Variants in TRIM66 observed in about 807,000 individuals in gnomAD.
The protein encoded by TRIM66 is tripartite motif containing 66, also known as tripartite motif-containing protein 66.
In TRIM66, 99 loss-of-function variants were observed where a neutral mutation model predicts 148.2. That is an observed-to-expected ratio of 0.67 (90% CI 0.57 to 0.79). The LOEUF is 0.79. Ranked by LOEUF, TRIM66 falls within the 30% of genes least tolerant of loss-of-function variation. TRIM66 has a pLI of 0.00. For synonymous variants in TRIM66, 616 were observed against 635.9 expected, an observed-to-expected ratio of 0.97 and a Z score of 0.47; for missense variants, 1,666 against 1,697.9, an observed-to-expected ratio of 0.98 and a Z score of 0.33.
chr11:8,619,959 G>C, intron 22 of TRIM66, 91 bp downstream of exon 22: 1 of 1,192,442 alleles, frequency 8.4e-7, no homozygotes, highest in Non-Finnish European at 1.2e-6. Flanking sequence ...TGTGACTCTA[G>C]AAAAACAGGG....
At chr11:8,660,229 T>C (rs1234931531) in intron 6 of TRIM66, among the ~76,000 whole-genome samples, 1 of 152,002 alleles carries the variant, frequency 6.6e-6, no homozygotes, top group Non-Finnish European at 1.5e-5. Flanking sequence ...CTGAACAGAA[T>C]CCCCACTTCT....
At chr11:8,630,714 C>T (rs957748080) in intron 15 of TRIM66, among the ~76,000 whole-genome samples, 2 of 152,100 alleles carry the variant, frequency 1.3e-5, no homozygotes, top group Non-Finnish European at 2.9e-5. Flanking sequence ...TCCCTTTCCT[C>T]TTGCCTCTTT....
chr11:8,639,877 A>G (rs2036211543), intron 14 of TRIM66, among the ~76,000 whole-genome samples: 1 of 152,198 alleles, frequency 6.6e-6, no homozygotes, highest in Admixed American at 6.5e-5. Flanking sequence ...AGATGACAAG[A>G]TAAGAGACAG....
intron 3 of TRIM66, among the ~76,000 whole-genome samples, chr11:8,677,545 G>A (rs2039232928): frequency 6.6e-6 from 1 of 152,098 alleles, no homozygotes; most frequent in Non-Finnish European, 1.5e-5. Context: ...TTGGGAGGGC[G>A]AGGTAGGAGG....
At chr11:8,667,978 G>C (rs1342384037) in intron 6 of TRIM66, among the ~76,000 whole-genome samples, 1 of 152,278 alleles carries the variant, frequency 6.6e-6, no homozygotes, top group East Asian at 1.9e-4. Flanking sequence ...AATTTTCTGA[G>C]GAACTGCCAT....
chr11:8,662,424 C>T (rs556048878), intron 6 of TRIM66, among the ~76,000 whole-genome samples: 5 of 152,316 alleles, frequency 3.3e-5, no homozygotes, highest in South Asian at 2.1e-4. Flanking sequence ...GCCTGCCCAC[C>T]GAGGGACCGT....
chr11:8,650,853 T>C (rs1460093721), intron 7 of TRIM66, among the ~76,000 whole-genome samples: 1 of 152,170 alleles, frequency 6.6e-6, no homozygotes, highest in African/African-American at 2.4e-5. Context: ...AAATTCAATG[T>C]GCTTCAGAGA....
intron 18 of TRIM66, among the ~76,000 whole-genome samples, chr11:8,622,026 G>A (rs1271549776): frequency 2.0e-5 from 3 of 151,978 alleles, no homozygotes; most frequent in Admixed American, 6.5e-5. Flanking sequence ...CGAAAGGCAG[G>A]CCCACCCTTA....
At chr11:8,675,753 A>C (rs942331338) in intron 3 of TRIM66, among the ~76,000 whole-genome samples, 1 of 151,084 alleles carries the variant, frequency 6.6e-6, no homozygotes, top group African/African-American at 2.4e-5. Context: ...TTTATTTATT[A>C]ATTTTTGAGA....
chr11:8,677,024 T>C (rs771789789), intron 3 of TRIM66, among the ~76,000 whole-genome samples: 3 of 152,164 alleles, frequency 2.0e-5, no homozygotes, highest in African/African-American at 4.8e-5. Context: ...TCTTACCACA[T>C]CTATATCTAA....
At chr11:8,656,216 T>C (rs2037816760) in intron 6 of TRIM66, among the ~76,000 whole-genome samples, 1 of 152,256 alleles carries the variant, frequency 6.6e-6, no homozygotes, top group Non-Finnish European at 1.5e-5. Context: ...AAGGCATATA[T>C]CAACTCTTAG....
At chr11:8,672,613 C>T (rs1209647563) in intron 4 of TRIM66, among the ~76,000 whole-genome samples, 4 of 137,116 alleles carry the variant, frequency 2.9e-5, no homozygotes, top group South Asian at 2.4e-4. Context: ...TTCTGGACTC[C>T]AGTCTCTTTT....
chr11:8,638,627 G>C (rs1320634681), intron 15 of TRIM66, 27 bp downstream of exon 15: 2 of 1,543,106 alleles, frequency 1.3e-6, no homozygotes, highest in South Asian at 2.4e-5. Context: ...GTCCCATGTA[G>C]TTAGGGAAAA....
Position 8,619,389 on chromosome 11 carries a change from G to A in TRIM66, c.3894C>T (p.Phe1298=), listed in dbSNP as rs573219783. ...VRLMFWNCAK[F]NYPDSEVAEA... is the part of the protein sequence containing the mutation. The stretch of plus-strand genomic sequence containing the variant: ...GAAAACAGGCAAGACATACATAATT[G>A]AACTTAGCACAGTTCCAGAACATGA... The change falls in exon 23 of 25, where the codon TTC becomes TTT. Residue 1298 remains phenylalanine, a synonymous_variant. Coordinates refer to ENST00000646038, the MANE Select transcript of TRIM66 (RefSeq NM_001388022.1). 1 of 1,404,774 alleles carries A rather than the reference G, an allele frequency of 7.1e-7. No homozygotes were observed. The highest frequency in any genetic ancestry group is 9.4e-7 in the Non-Finnish European group (1 of 1,063,284). 87.0% of individuals were successfully genotyped at this position (1,404,774 alleles called of 1,614,324 possible).
intron 24 of TRIM66, among the ~76,000 whole-genome samples, chr11:8,618,534 A>G (rs2141791008): frequency 6.6e-6 from 1 of 152,306 alleles, no homozygotes; most frequent in African/African-American, 2.4e-5. Context: ...GGGCAGGGAC[A>G]GGCACCTTTC....
rs755899130 is a variant in TRIM66, at chr11:8,648,079, G to A, written c.733C>T (p.His245Tyr). 3.9e-6 allele frequency: 6 copies of A among 1,551,554 alleles called. No homozygotes were observed. The South Asian group carries it at 7.1e-5, about 18-fold the overall frequency. Residue 245 changes from histidine to tyrosine, a missense_variant, in exon 10 of 25, where the codon CAT (histidine) becomes TAT (tyrosine). Physicochemically the swap from His to Tyr is moderately conservative, Grantham distance 83. Transcript: ENST00000646038. ...VVEHKEHRCR[H>Y]VEEVLQNQRM... ...TGGTTTTGCAAAACTTCTTCAACATGTCTGCACCTAGGGGATGAGGCAGAG... is the reference window on the plus strand; with the variant it reads ...TGGTTTTGCAAAACTTCTTCAACATATCTGCACCTAGGGGATGAGGCAGAG...
At chr11:8,638,538 G>T in intron 15 of TRIM66, 116 bp downstream of exon 15, 1 of 1,173,988 alleles carries the variant, frequency 8.5e-7, no homozygotes, top group Non-Finnish European at 1.2e-6. Context: ...GCTGTGTAGC[G>T]TCCAGGGATG....
chr11:8,649,500 T>G (rs2037162043), intron 8 of TRIM66, among the ~76,000 whole-genome samples: 1 of 152,078 alleles, frequency 6.6e-6, no homozygotes, highest in Non-Finnish European at 1.5e-5. Context: ...CCACAATAAT[T>G]CAACACTTTC....
chr11:8,667,789 C>T (rs7126235), intron 6 of TRIM66, among the ~76,000 whole-genome samples: 64,162 of 152,030 alleles, frequency 0.42, 14,074 homozygotes, highest in East Asian at 0.6. Flanking sequence ...ATGTATATAC[C>T]ACATTTTGTT....
Sources: gnomAD v4.1 joint callset for allele counts (sites outside exome capture counted in the v4.1 genomes callset) on GRCh38, gnomAD v4.1.1 for gene constraint, MANE v1.5 for transcripts, NCBI Gene and HGNC (gene_info 2026-07-23, HGNC 2026-07-21) for gene names.